The following OR2T10 variants were observed in gnomAD, a reference collection of about 807,000 sequenced individuals.
The protein encoded by OR2T10 is olfactory receptor family 2 subfamily T member 10.
For missense variants in OR2T10, 335 were observed against 382.5 expected (o/e 0.88, Z 1.04); for synonymous variants, 125 against 141.8 (o/e 0.88, Z 0.84).
chr1:248,592,551 T>G lies in OR2T10; in HGVS notation c.*279A>C. 1 of 281,424 alleles carries G rather than the reference T, an allele frequency of 3.6e-6. No individual in the cohort carries two copies. The highest frequency in any genetic ancestry group is 6.5e-6 in the Non-Finnish European group (1 of 152,694). 17.4% of individuals were successfully genotyped at this position (281,424 alleles called of 1,614,324 possible). ...CTCTGTGGTGGAAGGTGCTCAAGGG[T>G]CATAAACACATTTATTTTCATATTT... is the stretch of plus-strand genomic sequence containing the variant. On this transcript the variant is annotated 3_prime_UTR_variant, in exon 2 of 2. Coordinates refer to ENST00000642090, the MANE Select transcript of OR2T10 (RefSeq NM_001004693.2).
rs1660029651 is a variant in OR2T10 at position 248,592,778 on chromosome 1, A to G, written c.*52T>C. On this transcript the variant is annotated 3_prime_UTR_variant, in exon 2 of 2. Transcript: ENST00000642090. Reference sequence around the variant, plus strand: ...CTGATTGTTTGGTGGAAGGACACCTAAAGTGAAGAGAGACTCTAAGAAGAG... The same window carrying G: ...CTGATTGTTTGGTGGAAGGACACCTGAAGTGAAGAGAGACTCTAAGAAGAG... 4.5e-6 allele frequency: 5 copies of G among 1,104,832 alleles called. 1 individual carries two copies. In the African/African-American group the frequency reaches 9.1e-5, roughly 20 times the overall value. 68.4% of individuals were successfully genotyped at this position (1,104,832 alleles called of 1,614,324 possible).
Position 248,597,591 on chromosome 1 carries a change from T to C in OR2T10, c.-128A>G, listed in dbSNP as rs764154397. On this transcript the variant is annotated 5_prime_UTR_variant, in exon 1 of 2. Transcript: ENST00000642090. Reference sequence around the variant, plus strand: ...TGAATGACAGCCTTGTCATTTTCGTTGTGATCAATCTGCTCTGTGATCAGT... The same window carrying C: ...TGAATGACAGCCTTGTCATTTTCGTCGTGATCAATCTGCTCTGTGATCAGT... 4.9e-5 allele frequency: 7 copies of C among 143,706 alleles called. 1 individual carries two copies. The highest frequency in any genetic ancestry group is 1.1e-4 in the Non-Finnish European group (7 of 66,344). The allele number at this position is 143,706 out of a possible 1,614,324, so 8.9% of individuals were successfully genotyped here.
At chr1:248,596,459 G>A (rs1218986545) in intron 1 of OR2T10, among the ~76,000 whole-genome samples, 3 of 142,922 alleles carry the variant, frequency 2.1e-5, no homozygotes, top group Non-Finnish European at 4.5e-5. Context: ...GAGAACAAAA[G>A]TGAGAGTGGA....
chr1:248,596,034 C>T (rs774367136), intron 1 of OR2T10, among the ~76,000 whole-genome samples: 2 of 143,264 alleles, frequency 1.4e-5, no homozygotes, highest in African/African-American at 2.8e-5. Context: ...AGTCATGGTA[C>T]GCCTGGACCA....
rs761104456 is a variant in OR2T10 at position 248,590,736 on chromosome 1, G to C, written c.*2094C>G. On this transcript the variant is annotated 3_prime_UTR_variant, in exon 2 of 2. Coordinates refer to ENST00000642090, the MANE Select transcript of OR2T10 (RefSeq NM_001004693.2). ...TTTCATTTTATAAACTTGTTTTGGC[G>C]TTTACTATAAACATTACAGCATGTA... 1.4e-5 allele frequency: 2 copies of C among 142,310 alleles called. 1 individual carries two copies. Among genetic ancestry groups the C allele is most frequent in the Non-Finnish European group, 3.0e-5 (2 of 66,040 alleles). 8.8% of individuals were successfully genotyped at this position (142,310 alleles called of 1,614,324 possible).
Position 248,593,778 on chromosome 1 carries a change from T to C in OR2T10, c.-10A>G. The C allele has an allele frequency of 6.9e-7, 1 of 1,456,296 alleles. No homozygotes were observed. Among genetic ancestry groups the C allele is most frequent in the East Asian group, 2.3e-5 (1 of 42,886 alleles). 90.2% of individuals were successfully genotyped at this position (1,456,296 alleles called of 1,614,324 possible). A position where few individuals can be genotyped will look rare whatever the true frequency, so the allele number is the denominator to read the frequency against. On this transcript the variant is annotated 5_prime_UTR_variant, in exon 2 of 2. Transcript: ENST00000642090. ...GGTTGGCCAGCCGCATGCTGTATGA[T>C]CGGCTGAAGTGGCTTTACCTGGAGG...
rs1401070692 is a variant in OR2T10 at position 248,596,418 on chromosome 1, G to T, written c.-29+1074C>A. Among the ~76,000 whole-genome samples, 2 of 142,854 alleles carry T rather than the reference G, an allele frequency of 1.4e-5. 1 individual carries two copies. The highest frequency in any genetic ancestry group is 3.0e-5 in the Non-Finnish European group (2 of 66,136). 93.7% of individuals were successfully genotyped at this position (142,854 alleles called of 152,430 possible). ...TCAGCAGTGAGATGGACATGAGCTA[G>T]TCAGGGTGAGCATATCTCAGGTTTA... On this transcript the variant is annotated intron_variant, in intron 1 of 1. Transcript: ENST00000642090.
In OR2T10 at chr1:248,592,205, T is replaced by A. The variant is rs1163376869; in HGVS notation, c.*625A>T. On this transcript the variant is annotated 3_prime_UTR_variant, in exon 2 of 2. Transcript: ENST00000642090. ...AAATAAGAATTTGATTGAGAACACATTCTAGAAATTCTGATGGAAGAAAAA... is the reference window on the plus strand; with the variant it reads ...AAATAAGAATTTGATTGAGAACACAATCTAGAAATTCTGATGGAAGAAAAA... 1.4e-5 allele frequency: 2 copies of A among 144,152 alleles called. 1 individual carries two copies. Among genetic ancestry groups the A allele is most frequent in the African/African-American group, 5.4e-5 (2 of 36,714 alleles). The allele number at this position is 144,152 out of a possible 1,614,324, so 8.9% of individuals were successfully genotyped here.
Position 248,594,776 on chromosome 1 carries a change from C to T in OR2T10, c.-28-980G>A, listed in dbSNP as rs1394459321. 5 of 143,342 alleles carry T rather than the reference C, an allele frequency of 3.5e-5. 2 individuals are homozygous for T. The highest frequency in any genetic ancestry group is 1.4e-4 in the African/African-American group (5 of 36,358). 8.9% of individuals were successfully genotyped at this position (143,342 alleles called of 1,614,324 possible). A position where few individuals can be genotyped will look rare whatever the true frequency, so the allele number is the denominator to read the frequency against. ...CTTTTCTTCCAATCTCCCCATTTTGCCTGTAGAATTTTGGTGAGAGAAAGT... is the reference window on the plus strand; with the variant it reads ...CTTTTCTTCCAATCTCCCCATTTTGTCTGTAGAATTTTGGTGAGAGAAAGT... On this transcript the variant is annotated intron_variant, in intron 1 of 1. Transcript: ENST00000642090.
chr1:248,590,510 TTTA>T lies in OR2T10; in HGVS notation c.*2317_*2319del, dbSNP rs1223978696. ...TTGGAACATTTAGTATATTACATAT[TTTA>T]TTGATACATAATATTTCTACATACT... On this transcript the variant is annotated 3_prime_UTR_variant, in exon 2 of 2. Transcript: ENST00000642090. 5 of 144,208 alleles carry T rather than the reference TTTA, an allele frequency of 3.5e-5. No homozygotes were observed. The South Asian group carries it at 6.5e-4, about 19-fold the overall frequency. 8.9% of individuals were successfully genotyped at this position (144,208 alleles called of 1,614,324 possible). A position where few individuals can be genotyped will look rare whatever the true frequency, so the allele number is the denominator to read the frequency against.
In OR2T10 at chr1:248,593,490, C is replaced by A; in HGVS notation, c.279G>T (p.Ser93=). The A allele has an allele frequency of 1.3e-6, 2 of 1,572,304 alleles. No homozygotes were observed. The highest frequency in any genetic ancestry group is 1.1e-5 in the South Asian group (1 of 88,868). Residue 93 remains serine, a synonymous_variant, in exon 2 of 2, where the codon TCG becomes TCT. Transcript: ENST00000642090. ...ACATCTGGGTGCCACACCCAAGGAC[C>A]GAGATGGTCTTGTCTTTGGCCAGCT... ...VNQLAKDKTI[S]VLGCGTQMYF... is the part of the protein sequence containing the mutation.
chr1:248,593,764 C>G lies in OR2T10; in HGVS notation c.5G>C (p.Arg2Pro). 2 of 1,535,396 alleles carry G rather than the reference C, an allele frequency of 1.3e-6. No individual in the cohort carries two copies. The highest frequency in any genetic ancestry group is 2.3e-5 in the East Asian group (1 of 43,348). ...ACCACCCAGGGTCTGGTTGGCCAGC[C>G]GCATGCTGTATGATCGGCTGAAGTG... is the stretch of plus-strand genomic sequence containing the variant. M[R>P]LANQTLGGDF... The change falls in exon 2 of 2, where the codon CGG (arginine) becomes CCG (proline). Residue 2 changes from arginine (R) to proline (P), a missense_variant. Physicochemically the swap from Arg to Pro is moderately radical, Grantham distance 103. Transcript: ENST00000642090.
In OR2T10 at chr1:248,593,422, G is replaced by A; in HGVS notation, c.347C>T (p.Ala116Val). 6.4e-7 allele frequency: 1 copy of A among 1,572,180 alleles called. No homozygotes were observed. The highest frequency in any genetic ancestry group is 8.6e-7 in the Non-Finnish European group (1 of 1,156,418). ...CACATAGCGGTCATAGGCCATGGCG[G>A]CTAGAAGGCAGCACTCTGCACCTCC... ...QLGGAECCLL[A>V]AMAYDRYVAI... is the part of the protein sequence containing the mutation. Residue 116 changes from alanine to valine, a missense_variant, in exon 2 of 2, where the codon GCC (alanine) becomes GTC (valine). Coordinates refer to ENST00000642090, the MANE Select transcript of OR2T10 (RefSeq NM_001004693.2).
chr1:248,592,996 T>A lies in OR2T10; in HGVS notation c.773A>T (p.Asn258Ile). The change falls in exon 2 of 2, where the codon AAC (asparagine) becomes ATC (isoleucine). Residue 258 changes from asparagine to isoleucine, a missense_variant. Coordinates refer to ENST00000642090, the MANE Select transcript of OR2T10 (RefSeq NM_001004693.2). Reference protein sequence around the residue: ...VSLFYGAAIYNYMLPSSYQTP... With the variant: ...VSLFYGAAIYIYMLPSSYQTP... ...TTGGTAGGAGCTGGGGAGCATGTAG[T>A]TGTAAATAGCAGCTCCATAGAAGAG... The A allele has an allele frequency of 1.3e-6, 2 of 1,572,632 alleles. No homozygotes were observed. The highest frequency in any genetic ancestry group is 1.7e-6 in the Non-Finnish European group (2 of 1,156,668).
chr1:248,594,509 GTTAT>G lies in OR2T10; in HGVS notation c.-28-717_-28-714del, dbSNP rs1352103120. Among the ~76,000 whole-genome samples, 35 of 143,034 alleles carry G rather than the reference GTTAT, an allele frequency of 2.4e-4. 2 individuals are homozygous for G. Among genetic ancestry groups the G allele is most frequent in the Admixed American group, 2.2e-3 (33 of 14,678 alleles). 93.8% of individuals were successfully genotyped at this position (143,034 alleles called of 152,430 possible). ...TATTACAAAGACATTAATCTTGTGA[GTTAT>G]TTATTCATATTTTCATAATTTCCAT... On this transcript the variant is annotated intron_variant, in intron 1 of 1. Coordinates refer to ENST00000642090, the MANE Select transcript of OR2T10 (RefSeq NM_001004693.2).
In OR2T10 at chr1:248,593,438, CTG is replaced by C; in HGVS notation, c.329_330del (p.Ala110GlyfsTer11). The C allele has an allele frequency of 6.4e-7, 1 of 1,572,256 alleles. No individual in the cohort carries two copies. The highest frequency in any genetic ancestry group is 8.6e-7 in the Non-Finnish European group (1 of 1,156,454). ...GCCATGGCGGCTAGAAGGCAGCACT[CTG>C]CACCTCCCAACTGCAGGTAGAAGTA... The part of the protein sequence containing the change: ...QMYFYLQLGG[A>X]ECCLLAAMAY... On this transcript the variant is annotated frameshift_variant, in exon 2 of 2. Coordinates refer to ENST00000642090, the MANE Select transcript of OR2T10 (RefSeq NM_001004693.2). LOFTEE classifies it low-confidence loss of function (END_TRUNC).
intron 1 of OR2T10, among the ~76,000 whole-genome samples, chr1:248,595,907 C>T (rs1267751469): frequency 2.8e-5 from 4 of 142,906 alleles, no homozygotes; most frequent in Non-Finnish European, 3.0e-5. Context: ...CTCAGATATC[C>T]AAGAACTCAG....
rs761629982 is a variant in OR2T10, at chr1:248,593,176, A to G, written c.593T>C (p.Phe198Ser). 1.9e-5 allele frequency: 30 copies of G among 1,572,624 alleles called. 3 individuals are homozygous for G. In the Admixed American group the frequency reaches 2.4e-4, roughly 13 times the overall value. Residue 198 changes from phenylalanine to serine, a missense_variant, in exon 2 of 2, where the codon TTC becomes TCC. Transcript: ENST00000642090. ...CATGATGACACAGCACAAGTACATGAAAATCTTGTAAAGTGAGGTGTCTGA... is the reference window on the plus strand; with the variant it reads ...CATGATGACACAGCACAAGTACATGGAAATCTTGTAAAGTGAGGTGTCTGA... ...SCSDTSLYKI[F>S]MYLCCVIMLL...
Position 248,593,740 on chromosome 1 carries a change from C to T in OR2T10, c.29G>A (p.Gly10Asp), listed in dbSNP as rs760648790. ...GAAGATTCCCAACAGGAAAAAGTCACCACCCAGGGTCTGGTTGGCCAGCCG... is the reference window on the plus strand; with the variant it reads ...GAAGATTCCCAACAGGAAAAAGTCATCACCCAGGGTCTGGTTGGCCAGCCG... MRLANQTLG[G>D]DFFLLGIFSQ... Residue 10 changes from glycine (G) to aspartate (D), a missense_variant, in exon 2 of 2, where the codon GGT (glycine) becomes GAT (aspartate). By Grantham distance (94) the Gly-to-Asp change is moderately conservative. Transcript: ENST00000642090. 12 of 1,563,584 alleles carry T rather than the reference C, an allele frequency of 7.7e-6. 2 individuals are homozygous for T. The highest frequency in any genetic ancestry group is 7.0e-6 in the Non-Finnish European group (8 of 1,150,862).
Sources: gnomAD v4.1 joint callset for allele counts (sites outside exome capture counted in the v4.1 genomes callset) on GRCh38, gnomAD v4.1.1 for gene constraint, MANE v1.5 for transcripts, NCBI Gene and HGNC (gene_info 2026-07-23, HGNC 2026-07-21) for gene names.